The following FRMD4A variants were observed in gnomAD, a reference collection of about 807,000 sequenced individuals.
The protein encoded by FRMD4A is FERM domain containing 4A.
Under a neutral mutation model 129.1 loss-of-function variants are expected in FRMD4A, and 29 were observed. That is an observed-to-expected ratio of 0.22 (90% CI 0.17 to 0.31). The LOEUF (loss-of-function observed/expected upper bound fraction) is 0.31, where lower values mean the gene tolerates loss of function less well. Among genes scored for constraint, FRMD4A ranks in the 10% least tolerant of loss-of-function variants. The pLI is 1.00. For missense variants in FRMD4A, 1,272 were observed against 1,375.8 expected, an observed-to-expected ratio of 0.92 and a Z score of 1.19; for synonymous variants, 634 against 571.6, an observed-to-expected ratio of 1.11 and a Z score of -1.56.
At chr10:13,916,657 TA>T (rs1254395566) in intron 2 of FRMD4A, among the ~76,000 whole-genome samples, 1 of 152,194 alleles carries the variant, frequency 6.6e-6, no homozygotes, top group Non-Finnish European at 1.5e-5. Context: ...TCTCTGTTTG[TA>T]GATTCAATGT....
chr10:14,241,280 A>C (rs927634921), intron 2 of FRMD4A, among the ~76,000 whole-genome samples: 2 of 152,208 alleles, frequency 1.3e-5, no homozygotes, highest in Non-Finnish European at 2.9e-5. Context: ...TCATTCAGAG[A>C]AAATGGAATG....
intron 2 of FRMD4A, chr10:13,971,730 T>C: frequency 1.5e-6 from 2 of 1,304,258 alleles, no homozygotes; most frequent in Non-Finnish European, 2.0e-6. Flanking sequence ...ACTTGGCAGG[T>C]CCTCAGCGCC....
intron 2 of FRMD4A, among the ~76,000 whole-genome samples, chr10:13,884,117 C>CAA (rs2094578105): frequency 9.5e-6 from 1 of 105,498 alleles, no homozygotes; most frequent in South Asian, 2.8e-4. Context: ...CACACACACA[C>CAA]ACACTCACAC....
intron 2 of FRMD4A, among the ~76,000 whole-genome samples, chr10:14,077,637 A>G (rs966441034): frequency 1.3e-5 from 2 of 152,196 alleles, no homozygotes; most frequent in Non-Finnish European, 2.9e-5. Context: ...TGAGAGGCCC[A>G]TGGAAGCCTG....
chr10:14,205,806 C>CAAAAAAAA (rs59803872), intron 2 of FRMD4A, among the ~76,000 whole-genome samples: 1 of 67,332 alleles, frequency 1.5e-5, no homozygotes, highest in Non-Finnish European at 2.7e-5. Flanking sequence ...GACTCTGTCT[C>CAAAAAAAA]AAAAAAAAAA....
intron 2 of FRMD4A, among the ~76,000 whole-genome samples, chr10:13,938,869 T>C (rs939764012): frequency 6.6e-6 from 1 of 152,128 alleles, no homozygotes; most frequent in Non-Finnish European, 1.5e-5. Context: ...GAGAAAGACC[T>C]GGTCCCAAAT....
chr10:14,249,494 C>T (rs1299155241), intron 2 of FRMD4A, among the ~76,000 whole-genome samples: 2 of 152,236 alleles, frequency 1.3e-5, no homozygotes, highest in Admixed American at 6.5e-5. Flanking sequence ...CCAGTCTGCA[C>T]TGCCCATGCC....
chr10:14,038,070 C>A (rs780223019), intron 2 of FRMD4A, among the ~76,000 whole-genome samples: 2 of 152,230 alleles, frequency 1.3e-5, no homozygotes, highest in Non-Finnish European at 2.9e-5. Context: ...CGCCAGTAAT[C>A]CCAGCATTTT....
At chr10:14,184,260 T>C (rs1487980899) in intron 2 of FRMD4A, among the ~76,000 whole-genome samples, 1 of 148,726 alleles carries the variant, frequency 6.7e-6, no homozygotes, top group Non-Finnish European at 1.5e-5. Flanking sequence ...GCCTCCAGAG[T>C]TGCTGGGATT....
At chr10:14,271,153 G>C (rs1845150930) in intron 2 of FRMD4A, among the ~76,000 whole-genome samples, 1 of 152,138 alleles carries the variant, frequency 6.6e-6, no homozygotes, top group Admixed American at 6.5e-5. Context: ...TTATCACCAA[G>C]GAGATGGCCC....
chr10:14,160,240 C>T (rs1000970048), intron 2 of FRMD4A, among the ~76,000 whole-genome samples: 7 of 151,940 alleles, frequency 4.6e-5, no homozygotes, highest in African/African-American at 1.7e-4. Context: ...TAATAAATGG[C>T]CCTGGGAAAA....
At chr10:13,852,249 A>ATT (rs879712876) in intron 3 of FRMD4A, among the ~76,000 whole-genome samples, 50 of 146,894 alleles carry the variant, frequency 3.4e-4, no homozygotes, top group African/African-American at 1.2e-3. Context: ...TAAGATTTTA[A>ATT]TTTTTTTTTT....
intron 2 of FRMD4A, among the ~76,000 whole-genome samples, chr10:14,003,157 C>G (rs1351133676): frequency 6.6e-6 from 1 of 152,078 alleles, no homozygotes; most frequent in African/African-American, 2.4e-5. Context: ...GAAGGCAACA[C>G]GCAGGCAAGA....
At chr10:14,243,287 C>T (rs567393953) in intron 2 of FRMD4A, among the ~76,000 whole-genome samples, 1 of 151,548 alleles carries the variant, frequency 6.6e-6, no homozygotes, top group African/African-American at 2.4e-5. Context: ...ATCATGGGGG[C>T]GGTTTCTCCT....
intron 24 of FRMD4A, 27 bp downstream of exon 24, chr10:13,651,876 G>T: frequency 1.7e-6 from 2 of 1,165,748 alleles, no homozygotes; most frequent in Non-Finnish European, 2.6e-6. Flanking sequence ...CTCATGGGCA[G>T]TAGGAACAAA....
intron 2 of FRMD4A, among the ~76,000 whole-genome samples, chr10:14,071,686 C>A (rs765333116): frequency 2.0e-5 from 3 of 151,958 alleles, no homozygotes; most frequent in Non-Finnish European, 2.9e-5. Flanking sequence ...GGTAAGTGGA[C>A]TGGGCTTGGG....
chr10:14,099,552 G>A (rs575400207), intron 2 of FRMD4A, among the ~76,000 whole-genome samples: 1 of 152,112 alleles, frequency 6.6e-6, no homozygotes, highest in Admixed American at 6.5e-5. Flanking sequence ...TACGAAAGTT[G>A]GCCCTGTTTA....
intron 2 of FRMD4A, among the ~76,000 whole-genome samples, chr10:14,187,670 A>C (rs1477871212): frequency 6.6e-6 from 1 of 152,216 alleles, no homozygotes; most frequent in African/African-American, 2.4e-5. Context: ...GGTCCCAGCA[A>C]CTTGGGAGGC....
At chr10:14,081,963 T>C (rs1349137194) in intron 2 of FRMD4A, among the ~76,000 whole-genome samples, 3 of 152,230 alleles carry the variant, frequency 2.0e-5, no homozygotes, top group Non-Finnish European at 2.9e-5. Context: ...AAAATACAAA[T>C]ACAGGTTGGG....
Sources: allele counts gnomAD v4.1 joint callset (sites outside exome capture counted in the v4.1 genomes callset), GRCh38; gene constraint gnomAD v4.1.1; transcripts MANE v1.5; gene names NCBI Gene and HGNC (gene_info 2026-07-23, HGNC 2026-07-21).